GAREM1: variants seen among roughly 807,000 people sequenced by gnomAD.
The protein encoded by GAREM1 is GRB2-associated and regulator of MAPK protein 1.
A neutral mutation model predicts 71.3 loss-of-function variants in GAREM1; 26 were observed. The observed-to-expected ratio is 0.36, with a 90% CI of 0.27 to 0.51. GAREM1 has a LOEUF of 0.51. GAREM1 is among the 20% of genes least tolerant of loss of function. GAREM1 has a pLI of 0.95. For synonymous variants in GAREM1, 440 were observed against 433.2 expected (o/e 1.02, Z -0.20); for missense variants, 1,026 against 1,103.1 (o/e 0.93, Z 0.99).
intron 1 of GAREM1, among the ~76,000 whole-genome samples, chr18:32,428,188 T>G (rs1249818659): frequency 1.3e-5 from 2 of 152,204 alleles, no homozygotes; most frequent in East Asian, 3.9e-4. Flanking sequence ...TTTGATAAAT[T>G]TTGTAACCTT....
At chr18:32,389,834 C>A (rs1599012158) in intron 2 of GAREM1, among the ~76,000 whole-genome samples, 1 of 151,974 alleles carries the variant, frequency 6.6e-6, no homozygotes, top group Non-Finnish European at 1.5e-5. Flanking sequence ...TTGAAATGAT[C>A]AATCATATCA....
intron 3 of GAREM1, among the ~76,000 whole-genome samples, chr18:32,305,090 C>T (rs534830022): frequency 5.6e-4 from 84 of 151,324 alleles, no homozygotes; most frequent in African/African-American, 2.0e-3. Flanking sequence ...AACAAGTAAA[C>T]GAAAACAACA....
chr18:32,286,156 C>G (rs904157215), intron 4 of GAREM1, among the ~76,000 whole-genome samples: 4 of 152,134 alleles, frequency 2.6e-5, no homozygotes, highest in African/African-American at 9.7e-5. Flanking sequence ...AAATGAGTAG[C>G]AAAGGTTCAG....
intron 1 of GAREM1, among the ~76,000 whole-genome samples, chr18:32,414,524 C>T (rs183558264): frequency 2.6e-5 from 4 of 152,176 alleles, no homozygotes; most frequent in Non-Finnish European, 4.4e-5. Context: ...GCACCTTCTT[C>T]TGACCACAAC....
intron 2 of GAREM1, among the ~76,000 whole-genome samples, chr18:32,336,172 T>G (rs1361231464): frequency 1.3e-5 from 2 of 152,192 alleles, no homozygotes; most frequent in Non-Finnish European, 2.9e-5. Context: ...GGCTCACACC[T>G]GTAATCCTAG....
At chr18:32,430,642 CAGG>C (rs375631317) in intron 1 of GAREM1, among the ~76,000 whole-genome samples, 1 of 152,162 alleles carries the variant, frequency 6.6e-6, no homozygotes, top group African/African-American at 2.4e-5. Context: ...ACACAGCAGC[CAGG>C]AGAAGAAGAG....
At chr18:32,371,921 CTTAG>C (rs2047984046) in intron 2 of GAREM1, among the ~76,000 whole-genome samples, 1 of 151,974 alleles carries the variant, frequency 6.6e-6, no homozygotes, top group Admixed American at 6.6e-5. Context: ...CATTGAGGAC[CTTAG>C]TTAAAGCTAT....
intron 4 of GAREM1, among the ~76,000 whole-genome samples, chr18:32,271,460 C>T (rs964266513): frequency 5.3e-5 from 8 of 152,134 alleles, no homozygotes; most frequent in African/African-American, 1.4e-4. Flanking sequence ...GCTGGGATTA[C>T]AGGTATGAGA....
At chr18:32,317,395 A>C (rs1303208186) in intron 2 of GAREM1, among the ~76,000 whole-genome samples, 25 of 139,770 alleles carry the variant, frequency 1.8e-4, no homozygotes, top group Admixed American at 1.7e-3. Flanking sequence ...CTCTGTCACA[A>C]AAAAAAAAAA....
At chr18:32,306,440 G>T (rs2047256687) in intron 3 of GAREM1, among the ~76,000 whole-genome samples, 2 of 150,912 alleles carry the variant, frequency 1.3e-5, no homozygotes, top group South Asian at 4.2e-4. Flanking sequence ...CCTGTCCTGT[G>T]CATCACAGAA....
At chr18:32,295,772 T>C (rs928262557) in intron 3 of GAREM1, among the ~76,000 whole-genome samples, 3 of 152,164 alleles carry the variant, frequency 2.0e-5, no homozygotes, top group African/African-American at 7.2e-5. Context: ...CACAATATTG[T>C]TTTAATGGGA....
Position 32,470,375 on chromosome 18 carries a change from C to G in GAREM1, c.54G>C (p.Ser18=). 3.9e-6 allele frequency: 6 copies of G among 1,554,120 alleles called. No homozygotes were observed. Among genetic ancestry groups the G allele is most frequent in the Non-Finnish European group, 5.2e-6 (6 of 1,150,998 alleles). The change falls in exon 1 of 6, where the codon TCG becomes TCC. Residue 18 remains serine (S), a synonymous_variant. Transcript: ENST00000269209. This position sits in a 1 kb window ranked among gnomAD's most constrained non-coding sequence, Gnocchi z 4.4. The part of the protein sequence containing the change: ...GCSLKDVKWS[S]VAVPLDLLVS... The stretch of plus-strand genomic sequence containing the variant: ...CCAGGAGGTCGAGCGGCACGGCCAC[C>G]GAGCTCCACTTCACATCCTTGAGGC...
At chr18:32,338,905 A>C (rs764705177) in intron 2 of GAREM1, among the ~76,000 whole-genome samples, 1 of 152,028 alleles carries the variant, frequency 6.6e-6, no homozygotes, top group African/African-American at 2.4e-5. Context: ...AGTAAAGCAG[A>C]CTCCCTCTAT....
At chr18:32,328,545 A>G (rs2047495074) in intron 2 of GAREM1, among the ~76,000 whole-genome samples, 2 of 152,224 alleles carry the variant, frequency 1.3e-5, no homozygotes, top group African/African-American at 2.4e-5. Context: ...ATCAGGAGGC[A>G]GCTTCTTCCT....
At chr18:32,393,149 C>T in intron 1 of GAREM1, 114 bp from the exon 2 acceptor site, 1 of 977,120 alleles carries the variant, frequency 1.0e-6, no homozygotes. Context: ...GACAGTTCAT[C>T]CCAAGATGAG....
At chr18:32,384,209 A>G (rs1320735890) in intron 2 of GAREM1, among the ~76,000 whole-genome samples, 1 of 152,192 alleles carries the variant, frequency 6.6e-6, no homozygotes, top group Non-Finnish European at 1.5e-5. Flanking sequence ...AGAAGCCATG[A>G]GCTGGAAGCT....
At chr18:32,462,085 T>C (rs2048958321) in intron 1 of GAREM1, among the ~76,000 whole-genome samples, 1 of 152,270 alleles carries the variant, frequency 6.6e-6, no homozygotes, top group Non-Finnish European at 1.5e-5. Flanking sequence ...TTACAGACAA[T>C]GTGGATACTC....
chr18:32,287,375 C>A lies in GAREM1; in HGVS notation c.1222G>T (p.Asp408Tyr). The change falls in exon 4 of 6, where the codon GAC becomes TAC. Residue 408 changes from aspartate (D) to tyrosine (Y), a missense_variant. Physicochemically the swap from Asp to Tyr is radical, Grantham distance 160. This residue lies in a region of GAREM1 where 636 missense variants were observed against 631.2 expected (regional missense o/e 1.01). Coordinates refer to ENST00000269209, the MANE Select transcript of GAREM1 (RefSeq NM_001242409.2). This position sits in a 1 kb window ranked among gnomAD's most constrained non-coding sequence, Gnocchi z 5.9. ...AAGGGAGCCCAATCTCCCCCCAGGT[C>A]CCTGCAACCATGAAGGTTCACCTCA... ...NSEVNLHGCRDLGGDWAPFPH... is the reference protein window; with the variant it reads ...NSEVNLHGCRYLGGDWAPFPH... The A allele has an allele frequency of 6.2e-7, 1 of 1,614,224 alleles. No individual in the cohort carries two copies. The highest frequency in any genetic ancestry group is 8.5e-7 in the Non-Finnish European group (1 of 1,180,042).
intron 2 of GAREM1, among the ~76,000 whole-genome samples, chr18:32,378,693 G>A (rs2048064978): frequency 6.6e-6 from 1 of 152,032 alleles, no homozygotes; most frequent in South Asian, 2.1e-4. Flanking sequence ...CTGACAAGAG[G>A]GTTAAAGGTA....
Sources: gnomAD v4.1 joint callset for allele counts (sites outside exome capture counted in the v4.1 genomes callset) on GRCh38, gnomAD v4.1.1 for gene constraint, gnomAD v4.1.1 regional missense constraint, Gnocchi (gnomAD v3.1) non-coding constraint, MANE v1.5 for transcripts, NCBI Gene and HGNC (gene_info 2026-07-23, HGNC 2026-07-21) for gene names.